Variants in FHAD1 observed in about 807,000 individuals in gnomAD.
The protein encoded by FHAD1 is forkhead-associated domain-containing protein 1.
FHAD1 carries 146 observed loss-of-function variants against 191.3 expected under a neutral mutation model. The ratio of observed to expected loss-of-function variants is 0.76; its 90% CI spans 0.67 to 0.88. The LOEUF (loss-of-function observed/expected upper bound fraction) is 0.88. FHAD1 is among the 40% of genes least tolerant of loss of function. FHAD1 has a pLI of 0.00. For missense variants in FHAD1, 1,635 were observed against 1,785.8 expected (o/e 0.92, Z 1.52); for synonymous variants, 616 against 672.3 (o/e 0.92, Z 1.29).
chr1:15,376,353 G>T (rs139164031), intron 28 of FHAD1, among the ~76,000 whole-genome samples: 14 of 152,322 alleles, frequency 9.2e-5, no homozygotes, highest in African/African-American at 3.1e-4. Context: ...GCCTCCCAAA[G>T]TGCTGGGATG....
At chr1:15,353,020 C>T in intron 20 of FHAD1, 36 bp downstream of exon 20, 1 of 1,461,198 alleles carries the variant, frequency 6.8e-7, no homozygotes, top group South Asian at 1.2e-5. Context: ...GAGAGGGGCC[C>T]AGCACAGCGA....
At chr1:15,361,953 G>A (rs190970406) in intron 22 of FHAD1, among the ~76,000 whole-genome samples, 20 of 151,362 alleles carry the variant, frequency 1.3e-4, no homozygotes, top group Non-Finnish European at 1.5e-4. Flanking sequence ...GCAGTGAGCC[G>A]AGATCGCGCC....
chr1:15,390,646 T>C (rs563834479), intron 32 of FHAD1, among the ~76,000 whole-genome samples: 1 of 152,286 alleles, frequency 6.6e-6, no homozygotes, highest in South Asian at 2.1e-4. Context: ...CTGCTCTTTC[T>C]TCAGGGAACT....
chr1:15,243,325 C>T (rs1427182450), upstream of FHAD1, among the ~76,000 whole-genome samples: 4 of 152,238 alleles, frequency 2.6e-5, no homozygotes, highest in Admixed American at 6.5e-5. Flanking sequence ...ACTAATGGGC[C>T]GTGGAGTCTC....
At position 15,349,961 on chromosome 1, in the gene FHAD1, G is replaced by A. The variant is rs181904266; in HGVS notation, c.2454+812G>A. Among the ~76,000 whole-genome samples the A allele has an allele frequency of 3.4e-3, 512 of 152,328 alleles. 1 individual carries two copies. Among genetic ancestry groups the A allele is most frequent in the African/African-American group, 0.011 (441 of 41,574 alleles). On this transcript the variant is annotated intron_variant, in intron 19 of 33. Transcript: ENST00000688493. ...ACACCCTGGAAGTAAGAGCTGGGGGGCCAGGAGGAGGTCACTCAGGGACCC... is the reference window on the plus strand; with the variant it reads ...ACACCCTGGAAGTAAGAGCTGGGGGACCAGGAGGAGGTCACTCAGGGACCC...
downstream of FHAD1, among the ~76,000 whole-genome samples, chr1:15,401,223 A>G (rs1707118092): frequency 6.6e-6 from 1 of 152,228 alleles, no homozygotes; most frequent in Admixed American, 6.5e-5. Flanking sequence ...GCAAAGCTGA[A>G]GAGTCAGGCT....
chr1:15,401,315 AAAT>A (rs1254409219), downstream of FHAD1, among the ~76,000 whole-genome samples: 4 of 152,216 alleles, frequency 2.6e-5, no homozygotes, highest in Non-Finnish European at 4.4e-5. Flanking sequence ...CATTGCAACC[AAAT>A]GGGCATTTAC....
At chr1:15,296,076 C>T (rs780816113) in intron 4 of FHAD1, among the ~76,000 whole-genome samples, 2 of 152,100 alleles carry the variant, frequency 1.3e-5, no homozygotes, top group East Asian at 1.9e-4. Context: ...AGAGATTAAA[C>T]GATCTGCCCA....
chr1:15,337,696 T>A (rs913559009), intron 14 of FHAD1, among the ~76,000 whole-genome samples: 1 of 152,038 alleles, frequency 6.6e-6, no homozygotes, highest in East Asian at 1.9e-4. Context: ...CGGCCCGACA[T>A]AGCAGCAGTG....
At position 15,293,967 on chromosome 1, in the gene FHAD1, G is replaced by A. The variant is rs535358976; in HGVS notation, c.569-2717G>A. Among the ~76,000 whole-genome samples the A allele has an allele frequency of 1.4e-4, 21 of 152,204 alleles. No homozygotes were observed. The East Asian group carries it at 2.3e-3, about 17-fold the overall frequency. On this transcript the variant is annotated intron_variant, in intron 4 of 33. Transcript: ENST00000688493. ...TTGAGGCCCTCAGATCTGCCTGGGCGTCACCACTGCAGCCTCCCACCGGGG... is the reference window on the plus strand; with the variant it reads ...TTGAGGCCCTCAGATCTGCCTGGGCATCACCACTGCAGCCTCCCACCGGGG...
intron 20 of FHAD1, among the ~76,000 whole-genome samples, chr1:15,356,740 T>A (rs945942331): frequency 6.6e-6 from 1 of 151,816 alleles, no homozygotes; most frequent in African/African-American, 2.4e-5. Flanking sequence ...GGCGTGGTGG[T>A]GGGTGCCTGT....
At chr1:15,377,387 T>C (rs1332723620) in intron 28 of FHAD1, among the ~76,000 whole-genome samples, 1 of 151,780 alleles carries the variant, frequency 6.6e-6, no homozygotes, top group Non-Finnish European at 1.5e-5. Context: ...GCCTTCCCCT[T>C]GGCAGTGCTC....
chr1:15,297,676 C>G (rs1280514105), intron 5 of FHAD1, among the ~76,000 whole-genome samples: 1 of 152,182 alleles, frequency 6.6e-6, no homozygotes, highest in Non-Finnish European at 1.5e-5. Context: ...GAAGGTTCTC[C>G]TGCTGGTGTC....
rs1679117181 is a variant in FHAD1 at position 15,327,328 on chromosome 1, G to A, written c.1557+186G>A. The A allele has an allele frequency of 7.2e-6, 4 of 552,070 alleles. No homozygotes were observed. The Admixed American group carries it at 1.4e-4, about 19-fold the overall frequency. The allele number at this position is 552,070 out of a possible 1,614,324, so 34.2% of individuals were successfully genotyped here. A position where few individuals can be genotyped will look rare whatever the true frequency, so the allele number is the denominator to read the frequency against. On this transcript the variant is annotated intron_variant, in intron 12 of 33. Transcript: ENST00000688493. This position sits in a 1 kb window ranked among gnomAD's most constrained non-coding sequence, Gnocchi z 5.1. Reference sequence around the variant, plus strand: ...TTCCTGGCTTTTAAAGTAAAAGCCAGTTAAAACTCCCTTGAAATGTGTCTG... The same window carrying A: ...TTCCTGGCTTTTAAAGTAAAAGCCAATTAAAACTCCCTTGAAATGTGTCTG...
intron 16 of FHAD1, among the ~76,000 whole-genome samples, chr1:15,342,500 G>A (rs1687148114): frequency 6.6e-6 from 1 of 152,186 alleles, no homozygotes; most frequent in Non-Finnish European, 1.5e-5. Flanking sequence ...CGAAGGCTTA[G>A]AGGAAGGTTT....
Position 15,397,464 on chromosome 1 carries a change from C to CACAGAAGAGTCACA in FHAD1, c.*51_*52insACAGAAGAGTCACA. On this transcript the variant is annotated 3_prime_UTR_variant, in exon 34 of 34. Transcript: ENST00000688493. ...TGTGATCCTCTGTGAGTTCATGTGA[C>CACAGAAGAGTCACA]TCTTCTGTGTCATCTGTGTCAAAAT... 3 of 875,058 alleles carry CACAGAAGAGTCACA rather than the reference C, an allele frequency of 3.4e-6. No individual in the cohort carries two copies. Among genetic ancestry groups the CACAGAAGAGTCACA allele is most frequent in the Non-Finnish European group, 5.2e-6 (3 of 578,074 alleles). The allele number at this position is 875,058 out of a possible 1,614,324, so 54.2% of individuals were successfully genotyped here. A position where few individuals can be genotyped will look rare whatever the true frequency, so the allele number is the denominator to read the frequency against.
chr1:15,355,569 A>G (rs1692439717), intron 20 of FHAD1, among the ~76,000 whole-genome samples: 1 of 152,242 alleles, frequency 6.6e-6, no homozygotes, highest in African/African-American at 2.4e-5. Context: ...ACTCGTAAGC[A>G]GGGCAGCTTC....
chr1:15,372,748 A>G (rs1698481905), intron 26 of FHAD1, among the ~76,000 whole-genome samples: 1 of 152,242 alleles, frequency 6.6e-6, no homozygotes, highest in African/African-American at 2.4e-5. Context: ...AAAGTATTAT[A>G]AAAGAGCCAG....
intron 6 of FHAD1, among the ~76,000 whole-genome samples, chr1:15,307,015 C>T (rs371944579): frequency 2.4e-3 from 370 of 152,318 alleles, no homozygotes; most frequent in African/African-American, 7.2e-3. Flanking sequence ...AGACACTCAA[C>T]GCCAGCCCAT....
Sources: allele counts gnomAD v4.1 joint callset (sites outside exome capture counted in the v4.1 genomes callset), GRCh38; gene constraint gnomAD v4.1.1; non-coding constraint Gnocchi (gnomAD v3.1); transcripts MANE v1.5; gene names NCBI Gene and HGNC (gene_info 2026-07-23, HGNC 2026-07-21).